Variants in UBTD1 observed in about 807,000 individuals in gnomAD.
The protein encoded by UBTD1 is ubiquitin domain containing 1, also known as ubiquitin domain-containing protein 1.
In UBTD1, 19 loss-of-function variants were observed where a neutral mutation model predicts 21.7. The observed-to-expected ratio is 0.87, with a 90% confidence interval of 0.61 to 1.28. UBTD1 has a LOEUF of 1.28. Among genes scored for constraint, UBTD1 ranks in the 50% most tolerant of loss-of-function variants. UBTD1 has a pLI of 0.00. For missense variants in UBTD1, 282 were observed against 315.1 expected, an observed-to-expected ratio of 0.89 and a Z score of 0.80; for synonymous variants, 116 against 135.1, an observed-to-expected ratio of 0.86 and a Z score of 0.98.
At chr10:97,507,774 CAAAAAAAAAAAAAA>C (rs61128714) in intron 1 of UBTD1, among the ~76,000 whole-genome samples, 5 of 59,542 alleles carry the variant, frequency 8.4e-5, no homozygotes, top group Admixed American at 4.2e-4. Context: ...GACTCCGTCT[CAAAAAAAAAAAAAA>C]AAAAAAAAAA....
intron 1 of UBTD1, among the ~76,000 whole-genome samples, chr10:97,558,113 G>A (rs1589882775): frequency 6.6e-6 from 1 of 151,992 alleles, no homozygotes; most frequent in East Asian, 1.9e-4. Context: ...GCAGGGGTTG[G>A]CGAAGCTGCT....
At chr10:97,548,269 C>T (rs1564742347) in intron 1 of UBTD1, among the ~76,000 whole-genome samples, 1 of 152,222 alleles carries the variant, frequency 6.6e-6, no homozygotes, top group Non-Finnish European at 1.5e-5. Context: ...GGGTTCCCTC[C>T]AGAGCTGCTA....
intron 1 of UBTD1, among the ~76,000 whole-genome samples, chr10:97,525,649 C>T (rs900200680): frequency 5.9e-5 from 9 of 152,112 alleles, no homozygotes; most frequent in African/African-American, 2.2e-4. Context: ...ATATTAGAGG[C>T]CTTCTCTGGT....
At chr10:97,502,893 A>G (rs892232672) in intron 1 of UBTD1, among the ~76,000 whole-genome samples, 3 of 146,756 alleles carry the variant, frequency 2.0e-5, no homozygotes, top group Non-Finnish European at 4.5e-5. Flanking sequence ...ATACGTATAT[A>G]TATGTGTGTA....
rs941523800 is a variant in UBTD1 at position 97,555,950 on chromosome 10, C to A, written c.71-11964C>A. Among the ~76,000 whole-genome samples, 3 of 152,260 alleles carry A rather than the reference C, an allele frequency of 2.0e-5. No homozygotes were observed. In the East Asian group the frequency reaches 5.8e-4, roughly 29 times the overall value. On this transcript the variant is annotated intron_variant, in intron 1 of 2. Coordinates refer to ENST00000370664, the MANE Select transcript of UBTD1 (RefSeq NM_024954.5). ...GGTCTCTCTCTTCCCTCATTTCCCC[C>A]CTTTGAGACTCTCACTTTTTATTAG...
chr10:97,536,103 C>A (rs1212041106), intron 1 of UBTD1, among the ~76,000 whole-genome samples: 1 of 151,804 alleles, frequency 6.6e-6, no homozygotes, highest in African/African-American at 2.4e-5. Flanking sequence ...AGCGATTCTC[C>A]TGCCTCAGCC....
intron 2 of UBTD1, among the ~76,000 whole-genome samples, chr10:97,569,275 G>C (rs2040733310): frequency 6.6e-6 from 1 of 152,348 alleles, no homozygotes; most frequent in African/African-American, 2.4e-5. Context: ...ATTTAGTCCA[G>C]TCCCAGCACT....
chr10:97,545,736 C>T (rs2040607914), intron 1 of UBTD1, among the ~76,000 whole-genome samples: 1 of 152,242 alleles, frequency 6.6e-6, no homozygotes, highest in African/African-American at 2.4e-5. Context: ...TGCCTGAGGA[C>T]AGAACCTGTG....
chr10:97,534,211 C>T (rs529352694), intron 1 of UBTD1, among the ~76,000 whole-genome samples: 6 of 152,332 alleles, frequency 3.9e-5, no homozygotes, highest in African/African-American at 1.4e-4. Context: ...GAAACCAGAG[C>T]TCTCACCACC....
At chr10:97,546,292 G>C (rs2040610354) in intron 1 of UBTD1, among the ~76,000 whole-genome samples, 2 of 152,044 alleles carry the variant, frequency 1.3e-5, no homozygotes, top group African/African-American at 4.8e-5. Flanking sequence ...GTGTGTTTCT[G>C]TCAGGCCACA....
At chr10:97,542,028 G>A (rs1489937755) in intron 1 of UBTD1, among the ~76,000 whole-genome samples, 7 of 152,132 alleles carry the variant, frequency 4.6e-5, no homozygotes, top group Non-Finnish European at 1.0e-4. Flanking sequence ...GATCCACCAC[G>A]CCCGGCCTCC....
At position 97,565,798 on chromosome 10, in the gene UBTD1, A is replaced by T. The variant is rs185203175; in HGVS notation, c.71-2116A>T. On this transcript the variant is annotated intron_variant, in intron 1 of 2. Coordinates refer to ENST00000370664, the MANE Select transcript of UBTD1 (RefSeq NM_024954.5). ...ATGATCATGGCTCACTGCAGCCTCAACCTTTCTGGGCTCAGGTGATCCTCC... is the reference window on the plus strand; with the variant it reads ...ATGATCATGGCTCACTGCAGCCTCATCCTTTCTGGGCTCAGGTGATCCTCC... 4.4e-3 allele frequency among the ~76,000 whole-genome samples: 664 copies of T among 152,056 alleles called. 1 individual carries two copies. The highest frequency in any genetic ancestry group is 6.5e-3 in the Non-Finnish European group (443 of 67,962).
Position 97,570,762 on chromosome 10 carries a change from C to T in UBTD1, c.*239C>T. Reference sequence around the variant, plus strand: ...AGAGAAAAGGCGAACAGGGCCCTCACCCTGCCTGTCTCCCGAAGCAGGTTC... The same window carrying T: ...AGAGAAAAGGCGAACAGGGCCCTCATCCTGCCTGTCTCCCGAAGCAGGTTC... On this transcript the variant is annotated 3_prime_UTR_variant, in exon 3 of 3. Coordinates refer to ENST00000370664, the MANE Select transcript of UBTD1 (RefSeq NM_024954.5). This position sits in a 1 kb window ranked among gnomAD's most constrained non-coding sequence, Gnocchi z 6.6. 1 of 519,080 alleles carries T rather than the reference C, an allele frequency of 1.9e-6. No homozygotes were observed. The highest frequency in any genetic ancestry group is 3.3e-5 in the Admixed American group (1 of 30,516). 32.2% of individuals were successfully genotyped at this position (519,080 alleles called of 1,614,324 possible). A position where few individuals can be genotyped will look rare whatever the true frequency, so the allele number is the denominator to read the frequency against.
At chr10:97,564,133 G>A (rs2040706750) in intron 1 of UBTD1, among the ~76,000 whole-genome samples, 1 of 152,114 alleles carries the variant, frequency 6.6e-6, no homozygotes, top group Non-Finnish European at 1.5e-5. Context: ...AGAACTGATC[G>A]TCCAGCTAGG....
At chr10:97,555,397 C>T (rs564056434) in intron 1 of UBTD1, among the ~76,000 whole-genome samples, 1 of 152,258 alleles carries the variant, frequency 6.6e-6, no homozygotes, top group Non-Finnish European at 1.5e-5. Flanking sequence ...CTTTGATTAA[C>T]CTGGTTTTGA....
In UBTD1 at chr10:97,570,382, G is replaced by A; in HGVS notation, c.543G>A (p.Gln181=). Residue 181 remains glutamine, a synonymous_variant, in exon 3 of 3, where the codon CAG becomes CAA. Transcript: ENST00000370664. The surrounding 1 kb of genome is among the most constrained non-coding windows in gnomAD (Gnocchi z 6.6). ...VGQLKRQLHA[Q]EGIEPSWQRW... The stretch of plus-strand genomic sequence containing the variant: ...AGCTCAAGAGGCAGCTGCACGCCCA[G>A]GAGGGCATCGAGCCATCGTGGCAGC... 1.2e-6 allele frequency: 2 copies of A among 1,613,388 alleles called. No individual in the cohort carries two copies. Among genetic ancestry groups the A allele is most frequent in the South Asian group, 1.1e-5 (1 of 91,088 alleles).
intron 1 of UBTD1, among the ~76,000 whole-genome samples, chr10:97,524,284 T>TC (rs1554864920): frequency 7.1e-6 from 1 of 140,838 alleles, no homozygotes; most frequent in African/African-American, 2.6e-5. Context: ...TTTGTAGGGA[T>TC]GCGGGGGGGT....
intron 1 of UBTD1, among the ~76,000 whole-genome samples, chr10:97,524,286 C>CGGG (rs557177983): frequency 1.0e-4 from 11 of 106,392 alleles, no homozygotes; most frequent in East Asian, 4.1e-4. Flanking sequence ...TGTAGGGATG[C>CGGG]GGGGGGGTCT....
rs111242012 is a variant in UBTD1, at chr10:97,568,048, G to T, written c.205G>T (p.Asp69Tyr). 1.2e-6 allele frequency: 2 copies of T among 1,613,914 alleles called. No homozygotes were observed. Among genetic ancestry groups the T allele is most frequent in the Non-Finnish European group, 1.7e-6 (2 of 1,180,044 alleles). Residue 69 changes from aspartate (D) to tyrosine (Y), a missense_variant, in exon 2 of 3, where the codon GAT (aspartate) becomes TAT (tyrosine). Transcript: ENST00000370664. ...CTTCGAGGGCCGCAAGGAGATCTGG[G>T]ATGCCCTCAAGGCTGCCGCCTATGC... is the stretch of plus-strand genomic sequence containing the variant. ...PAFEGRKEIW[D>Y]ALKAAAYAAE... is the part of the protein sequence containing the mutation.
Sources: gnomAD v4.1 joint callset for allele counts (sites outside exome capture counted in the v4.1 genomes callset) on GRCh38, gnomAD v4.1.1 for gene constraint, Gnocchi (gnomAD v3.1) non-coding constraint, MANE v1.5 for transcripts, NCBI Gene and HGNC (gene_info 2026-07-23, HGNC 2026-07-21) for gene names.